GALNT2: variants seen among roughly 807,000 people sequenced by gnomAD.
The protein encoded by GALNT2 is polypeptide N-acetylgalactosaminyltransferase 2.
A neutral mutation model predicts 81.4 loss-of-function variants in GALNT2; 31 were observed. The observed-to-expected ratio is 0.38, with a 90% CI of 0.29 to 0.51. The LOEUF (loss-of-function observed/expected upper bound fraction) is 0.51. Ranked by LOEUF, GALNT2 falls within the 20% of genes least tolerant of loss-of-function variation. GALNT2 has a pLI of 0.87. For missense variants in GALNT2, 629 were observed against 765.7 expected (o/e 0.82, Z 2.11); for synonymous variants, 303 against 287.4 (o/e 1.05, Z -0.55).
intron 1 of GALNT2, among the ~76,000 whole-genome samples, chr1:230,150,584 A>G (rs1377259758): frequency 6.6e-6 from 1 of 152,226 alleles, no homozygotes; most frequent in African/African-American, 2.4e-5. Context: ...CTGAAAGGAA[A>G]GTCTCATCTC....
chr1:230,057,907 G>A (rs970833988), upstream of GALNT2: 10 of 398,800 alleles, frequency 2.5e-5, no homozygotes, highest in Admixed American at 2.6e-4. Context: ...GCATTGCTGG[G>A]GTTAGGTAAG....
At chr1:230,212,978 C>T (rs757278446) in intron 3 of GALNT2, among the ~76,000 whole-genome samples, 3 of 152,098 alleles carry the variant, frequency 2.0e-5, no homozygotes, top group Non-Finnish European at 4.4e-5. Context: ...CTGAAGGGCC[C>T]GTTTCAAGTC....
chr1:230,203,436 G>C (rs915589010), intron 3 of GALNT2, 146 bp downstream of exon 3: 26 of 944,610 alleles, frequency 2.8e-5, no homozygotes, highest in Non-Finnish European at 4.0e-5. Context: ...TGAGGTATAT[G>C]GCAATGGAAC....
chr1:230,175,380 C>T (rs571433272), intron 1 of GALNT2, among the ~76,000 whole-genome samples: 2 of 152,090 alleles, frequency 1.3e-5, no homozygotes, highest in Non-Finnish European at 2.9e-5. Context: ...CAGCCTCATA[C>T]GAACACTAAA....
At chr1:230,215,926 T>C (rs1357595862) in intron 3 of GALNT2, among the ~76,000 whole-genome samples, 1 of 152,240 alleles carries the variant, frequency 6.6e-6, no homozygotes, top group African/African-American at 2.4e-5. Context: ...CACTTTGCTC[T>C]CAAAATGTGT....
intron 3 of GALNT2, among the ~76,000 whole-genome samples, chr1:230,215,049 C>T (rs1259608259): frequency 6.6e-6 from 1 of 152,206 alleles, no homozygotes; most frequent in Non-Finnish European, 1.5e-5. Context: ...TAAAATAGGG[C>T]AGGTCACCTT....
chr1:230,175,043 C>T (rs1367576151), intron 1 of GALNT2, among the ~76,000 whole-genome samples: 2 of 152,212 alleles, frequency 1.3e-5, no homozygotes, highest in African/African-American at 4.8e-5. Context: ...TGCCTGGCCC[C>T]TGCTGTGTCT....
intron 1 of GALNT2, among the ~76,000 whole-genome samples, chr1:230,085,994 A>G (rs1249423897): frequency 6.6e-6 from 1 of 152,190 alleles, no homozygotes; most frequent in Non-Finnish European, 1.5e-5. Flanking sequence ...CAGTGCCCCT[A>G]AGGTGATTGG....
At chr1:230,223,517 G>A (rs577764949) in intron 3 of GALNT2, among the ~76,000 whole-genome samples, 58 of 151,900 alleles carry the variant, frequency 3.8e-4, no homozygotes, top group Admixed American at 1.1e-3. Flanking sequence ...CACCCAGGCT[G>A]GAGTACAGTG....
At chr1:230,059,372 A>T (rs2102731462) in intron 1 of GALNT2, among the ~76,000 whole-genome samples, 1 of 152,372 alleles carries the variant, frequency 6.6e-6, no homozygotes, top group Middle Eastern at 3.4e-3. Flanking sequence ...GCTGAACAGT[A>T]CTAGGGGCTG....
At chr1:230,219,945 T>C (rs1664497414) in intron 3 of GALNT2, among the ~76,000 whole-genome samples, 1 of 152,194 alleles carries the variant, frequency 6.6e-6, no homozygotes, top group Non-Finnish European at 1.5e-5. Flanking sequence ...GTGCATGATT[T>C]CTCCAGGTAT....
intron 2 of GALNT2, among the ~76,000 whole-genome samples, chr1:230,195,880 G>A (rs1297910690): frequency 1.3e-5 from 2 of 152,116 alleles, no homozygotes; most frequent in African/African-American, 2.4e-5. Context: ...CTGGCTTGGA[G>A]GTGACATGGC....
chr1:230,092,262 C>T (rs1660115828), intron 1 of GALNT2, among the ~76,000 whole-genome samples: 1 of 139,248 alleles, frequency 7.2e-6, no homozygotes, highest in African/African-American at 2.7e-5. Context: ...CTCTCATTAG[C>T]TACTTTCTAA....
At chr1:230,091,227 T>C (rs1428925620) in intron 1 of GALNT2, among the ~76,000 whole-genome samples, 1 of 143,590 alleles carries the variant, frequency 7.0e-6, no homozygotes, top group East Asian at 2.0e-4. Flanking sequence ...TGTCACCACA[T>C]ACTAATTTTT....
chr1:230,079,560 C>T (rs996485394), intron 1 of GALNT2, among the ~76,000 whole-genome samples: 5 of 152,210 alleles, frequency 3.3e-5, no homozygotes, highest in South Asian at 2.1e-4. Context: ...AGCTATAGTT[C>T]GTGAAACATC....
chr1:230,268,993 G>A (rs1370288563), intron 14 of GALNT2, among the ~76,000 whole-genome samples: 1 of 152,160 alleles, frequency 6.6e-6, no homozygotes, highest in Non-Finnish European at 1.5e-5. Context: ...CTCCCACTCT[G>A]CTTTTGCTTT....
chr1:230,106,780 C>CTG (rs34895647), intron 1 of GALNT2, among the ~76,000 whole-genome samples: 124,808 of 152,112 alleles, frequency 0.82, 51,862 homozygotes, highest in African/African-American at 0.96. Flanking sequence ...TGGAGTGTGT[C>CTG]TTGCCCAGTG....
At chr1:230,206,403 A>G (rs1284050539) in intron 3 of GALNT2, among the ~76,000 whole-genome samples, 1 of 152,094 alleles carries the variant, frequency 6.6e-6, no homozygotes, top group Non-Finnish European at 1.5e-5. Flanking sequence ...GTTCATTTGC[A>G]TGTGTTAAAG....
chr1:230,256,744 C>T (rs535489695), intron 11 of GALNT2, among the ~76,000 whole-genome samples: 2 of 152,246 alleles, frequency 1.3e-5, no homozygotes, highest in South Asian at 2.1e-4. Flanking sequence ...GATAGAACAG[C>T]GTACAAGCCA....
Sources: gnomAD v4.1 joint callset for allele counts (sites outside exome capture counted in the v4.1 genomes callset) on GRCh38, gnomAD v4.1.1 for gene constraint, MANE v1.5 for transcripts, NCBI Gene and HGNC (gene_info 2026-07-23, HGNC 2026-07-21) for gene names.